Variants in DCAF5 observed in about 807,000 individuals in gnomAD.
DCAF5 encodes the protein DDB1 and CUL4 associated factor 5, also known as DDB1- and CUL4-associated factor 5.
A neutral mutation model predicts 80.7 loss-of-function variants in DCAF5; 9 were observed. The observed-to-expected ratio is 0.11, with a 90% confidence interval of 0.07 to 0.19. The LOEUF is 0.19. DCAF5 is among the 10% of genes least tolerant of loss of function. The probability of loss-of-function intolerance (pLI) is 1.00; values close to 1 mark genes in which losing one functional copy is unlikely to be tolerated. For missense variants in DCAF5, 842 were observed against 1,205.7 expected (o/e 0.70, Z 4.47); for synonymous variants, 433 against 461.9 (o/e 0.94, Z 0.80).
In DCAF5 at chr14:69,051,763, T is replaced by C. The variant is rs534021894; in HGVS notation, c.*2094A>G. On this transcript the variant is annotated 3_prime_UTR_variant, in exon 9 of 9. Coordinates refer to ENST00000341516, the MANE Select transcript of DCAF5 (RefSeq NM_003861.3). ...CTTTGAGAAGTCAGAAGAGGCTAAGTACTTATTAAAATAAAATAAATAGAA... is the reference window on the plus strand; with the variant it reads ...CTTTGAGAAGTCAGAAGAGGCTAAGCACTTATTAAAATAAAATAAATAGAA... The C allele has an allele frequency of 6.5e-6, 1 of 152,698 alleles. No homozygotes were observed. The highest frequency in any genetic ancestry group is 2.1e-4 in the South Asian group (1 of 4,820). 9.5% of individuals were successfully genotyped at this position (152,698 alleles called of 1,614,324 possible). A position where few individuals can be genotyped will look rare whatever the true frequency, so the allele number is the denominator to read the frequency against.
At chr14:69,110,944 A>G (rs551132947) in intron 5 of DCAF5, among the ~76,000 whole-genome samples, 1 of 151,726 alleles carries the variant, frequency 6.6e-6, no homozygotes, top group African/African-American at 2.4e-5. Flanking sequence ...TTTTAATGAA[A>G]TCCAATGTGT....
chr14:69,126,485 C>T (rs190257979), intron 1 of DCAF5, among the ~76,000 whole-genome samples: 142 of 152,246 alleles, frequency 9.3e-4, no homozygotes, highest in African/African-American at 3.3e-3. Context: ...GATATCAGTT[C>T]TTCCCAACTT....
At chr14:69,135,069 T>C (rs553546417) in intron 1 of DCAF5, among the ~76,000 whole-genome samples, 1 of 152,334 alleles carries the variant, frequency 6.6e-6, no homozygotes, top group East Asian at 1.9e-4. Flanking sequence ...CTTGAAAGGA[T>C]ACGATGTCAT....
Position 69,052,128 on chromosome 14 carries a change from C to T in DCAF5, c.*1729G>A, listed in dbSNP as rs2037781372. 1 of 152,354 alleles carries T rather than the reference C, an allele frequency of 6.6e-6. No homozygotes were observed. The highest frequency in any genetic ancestry group is 1.9e-4 in the East Asian group (1 of 5,174). The allele number at this position is 152,354 out of a possible 1,614,324, so 9.4% of individuals were successfully genotyped here. ...CATCTCCTTCTCAGTGTTTTCATAC[C>T]CCAGCCGCATTACACACACCAGGCA... is the stretch of plus-strand genomic sequence containing the variant. On this transcript the variant is annotated 3_prime_UTR_variant, in exon 9 of 9. Transcript: ENST00000341516.
intron 5 of DCAF5, among the ~76,000 whole-genome samples, chr14:69,100,390 G>A (rs2039907254): frequency 6.6e-6 from 1 of 152,022 alleles, no homozygotes; most frequent in Admixed American, 6.6e-5. Flanking sequence ...TGACCCATAG[G>A]ATTCTGGTAC....
rs1052568938 is a variant in DCAF5, at chr14:69,051,805, A to T, written c.*2052T>A. 1.3e-5 allele frequency: 2 copies of T among 152,594 alleles called. No individual in the cohort carries two copies. Among genetic ancestry groups the T allele is most frequent in the Admixed American group, 1.3e-4 (2 of 15,272 alleles). The allele number at this position is 152,594 out of a possible 1,614,324, so 9.5% of individuals were successfully genotyped here. A position where few individuals can be genotyped will look rare whatever the true frequency, so the allele number is the denominator to read the frequency against. On this transcript the variant is annotated 3_prime_UTR_variant, in exon 9 of 9. Transcript: ENST00000341516. ...TAAATAGAATAGAATAAAATAAAGG[A>T]CTGGGTGTGCTGACTAAGAAGGGGA...
chr14:69,054,603 C>T lies in DCAF5; in HGVS notation c.2083G>A (p.Gly695Arg). ...VTGEADEGRA[G>R]TSHKDNPAPS... ...GCTGGGTTGTCTTTGTGGCTGGTTC[C>T]TGCTCTCCCTTCATCTGCCTCCCCG... Residue 695 changes from glycine to arginine, a missense_variant, in exon 9 of 9, where the codon GGA becomes AGA. Gly to Arg is a moderately radical substitution (Grantham distance 125). This residue lies in a region of DCAF5 where 607 missense variants were observed against 656.6 expected (regional missense o/e 0.92). Transcript: ENST00000341516. The T allele has an allele frequency of 6.2e-7, 1 of 1,614,170 alleles. No individual in the cohort carries two copies. Among genetic ancestry groups the T allele is most frequent in the Non-Finnish European group, 8.5e-7 (1 of 1,180,008 alleles).
intron 1 of DCAF5, among the ~76,000 whole-genome samples, chr14:69,134,237 A>G (rs1328434524): frequency 6.6e-6 from 1 of 152,228 alleles, no homozygotes. Flanking sequence ...TGTGGAACAT[A>G]GGCCACTGGA....
Position 69,081,480 on chromosome 14 carries a change from T to C in DCAF5, c.880-6069A>G, listed in dbSNP as rs562843137. ...CTGTGGTCCAAGAGGGCAAGCTATT[T>C]ACTGATCTGAATGTTTACTGATCTA... On this transcript the variant is annotated intron_variant, in intron 6 of 8. Transcript: ENST00000341516. Among the ~76,000 whole-genome samples the C allele has an allele frequency of 2.0e-5, 3 of 152,352 alleles. No individual in the cohort carries two copies. In the East Asian group the frequency reaches 5.8e-4, roughly 29 times the overall value.
At chr14:69,116,251 A>G in intron 5 of DCAF5, 115 bp downstream of exon 5, 1 of 1,270,900 alleles carries the variant, frequency 7.9e-7, no homozygotes, top group Admixed American at 2.2e-5. Context: ...TATCTTAAGA[A>G]ATGCCCAGCA....
chr14:69,083,543 G>A (rs1323556803), intron 6 of DCAF5: 6 of 374,074 alleles, frequency 1.6e-5, no homozygotes, highest in Admixed American at 3.4e-5. Context: ...GAAACAACGG[G>A]AGGTGGAAAG....
intron 6 of DCAF5, among the ~76,000 whole-genome samples, chr14:69,081,741 C>T (rs1387204174): frequency 6.9e-6 from 1 of 143,934 alleles, no homozygotes; most frequent in African/African-American, 2.4e-5. Context: ...ATCCATTGAC[C>T]TTTATAGAAA....
chr14:69,122,895 G>A (rs1055353569), intron 1 of DCAF5, among the ~76,000 whole-genome samples: 3 of 152,184 alleles, frequency 2.0e-5, no homozygotes, highest in African/African-American at 7.2e-5. Context: ...ACAGAATATG[G>A]CTCAGCCCAG....
rs114879930 is a variant in DCAF5, at chr14:69,115,862, G to C, written c.665+504C>G. Among the ~76,000 whole-genome samples, 639 of 152,274 alleles carry C rather than the reference G, an allele frequency of 4.2e-3. 3 individuals are homozygous for C. The highest frequency in any genetic ancestry group is 0.015 in the African/African-American group (608 of 41,560). On this transcript the variant is annotated intron_variant, in intron 5 of 8. Coordinates refer to ENST00000341516, the MANE Select transcript of DCAF5 (RefSeq NM_003861.3). ...AGGTCATTAGTCCTTTTGATAAACA[G>C]AAAATGCACTTATTTGAATATACAA...
rs2037780696 is a variant in DCAF5, at chr14:69,052,094, A to C, written c.*1763T>G. On this transcript the variant is annotated 3_prime_UTR_variant, in exon 9 of 9. Transcript: ENST00000341516. ...AGTTGTACACACCCCCATGCTACAC[A>C]CACTCCTTCATCTCCTTCTCAGTGT... 6.6e-6 allele frequency: 1 copy of C among 152,158 alleles called. No individual in the cohort carries two copies. Among genetic ancestry groups the C allele is most frequent in the African/African-American group, 2.4e-5 (1 of 41,372 alleles). The allele number at this position is 152,158 out of a possible 1,614,324, so 9.4% of individuals were successfully genotyped here. A position where few individuals can be genotyped will look rare whatever the true frequency, so the allele number is the denominator to read the frequency against.
chr14:69,081,068 GA>G (rs150781864), intron 6 of DCAF5, among the ~76,000 whole-genome samples: 8,640 of 151,534 alleles, frequency 0.057, 802 homozygotes, highest in African/African-American at 0.2. Context: ...AGATTTAAAA[GA>G]ATATAAGAAA....
intron 5 of DCAF5, among the ~76,000 whole-genome samples, chr14:69,097,009 T>C (rs989317265): frequency 6.6e-6 from 1 of 151,972 alleles, no homozygotes; most frequent in Non-Finnish European, 1.5e-5. Flanking sequence ...GGTGGGAGGA[T>C]ATGCAGGTAA....
At chr14:69,090,619 T>C (rs921289684) in intron 6 of DCAF5, 5 of 155,458 alleles carry the variant, frequency 3.2e-5, no homozygotes, top group Non-Finnish European at 7.1e-5. Flanking sequence ...AGGAAGCCTC[T>C]AGCAACCCCC....
At chr14:69,124,569 A>G (rs2040820585) in intron 1 of DCAF5, among the ~76,000 whole-genome samples, 1 of 152,192 alleles carries the variant, frequency 6.6e-6, no homozygotes, top group Non-Finnish European at 1.5e-5. Flanking sequence ...AGTGTGGCCC[A>G]CAGTGTTCTC....
Sources: allele counts gnomAD v4.1 joint callset (sites outside exome capture counted in the v4.1 genomes callset), GRCh38; gene constraint gnomAD v4.1.1; regional missense constraint gnomAD v4.1.1; transcripts MANE v1.5; gene names NCBI Gene and HGNC (gene_info 2026-07-23, HGNC 2026-07-21).